Variants in C9orf85 observed in about 807,000 individuals in gnomAD.
C9orf85 encodes uncharacterized protein C9orf85.
In C9orf85, 16 loss-of-function variants were observed where a neutral mutation model predicts 14.9. That is an observed-to-expected ratio of 1.08 (90% CI 0.73 to 1.63). The LOEUF (loss-of-function observed/expected upper bound fraction) is 1.63, where lower values mean the gene tolerates loss of function less well. Ranked by LOEUF, C9orf85 falls within the 40% of genes most tolerant of loss-of-function variation. C9orf85 has a pLI of 0.00. For synonymous variants in C9orf85, 45 were observed against 56.8 expected, an observed-to-expected ratio of 0.79 and a Z score of 0.93; for missense variants, 172 against 186.1, an observed-to-expected ratio of 0.92 and a Z score of 0.44.
At chr9:71,926,634 GAAAAA>G (rs58407244) in intron 1 of C9orf85, among the ~76,000 whole-genome samples, 5 of 115,836 alleles carry the variant, frequency 4.3e-5, no homozygotes, top group Non-Finnish European at 5.5e-5. Flanking sequence ...CACTGCTGTT[GAAAAA>G]AAAAAAAAAA....
chr9:71,918,138 G>A (rs541962958), intron 1 of C9orf85, among the ~76,000 whole-genome samples: 9 of 152,196 alleles, frequency 5.9e-5, no homozygotes, highest in African/African-American at 1.2e-4. Flanking sequence ...AGCTGAGATC[G>A]TGCCACTGCA....
At chr9:71,928,243 G>A (rs187835354) in intron 1 of C9orf85, among the ~76,000 whole-genome samples, 147 of 147,856 alleles carry the variant, frequency 9.9e-4, no homozygotes, top group Admixed American at 2.4e-3. Context: ...ATATCTGCAC[G>A]AGCTGTCAAT....
intron 1 of C9orf85, among the ~76,000 whole-genome samples, chr9:71,925,667 G>A (rs1042708146): frequency 2.0e-5 from 3 of 152,148 alleles, no homozygotes; most frequent in Non-Finnish European, 2.9e-5. Flanking sequence ...GAAAGAGACT[G>A]TTTTAATCAG....
At chr9:71,976,199 CTTTGT>C (rs1213446964), downstream of C9orf85, among the ~76,000 whole-genome samples, 3 of 152,154 alleles carry the variant, frequency 2.0e-5, no homozygotes, top group Non-Finnish European at 4.4e-5. Flanking sequence ...GAGATGAAGG[CTTTGT>C]TTTGTTTTAA....
intron 2 of C9orf85, among the ~76,000 whole-genome samples, chr9:71,968,997 C>T (rs1291050147): frequency 6.6e-6 from 1 of 151,996 alleles, no homozygotes; most frequent in Non-Finnish European, 1.5e-5. Flanking sequence ...AGGGGTGACT[C>T]AGGACGGAGC....
chr9:71,962,679 A>G (rs1822552034), intron 2 of C9orf85, among the ~76,000 whole-genome samples: 1 of 152,244 alleles, frequency 6.6e-6, no homozygotes, highest in Admixed American at 6.5e-5. Flanking sequence ...CCCAAAGGGA[A>G]ACCCTAAGAA....
chr9:71,963,644 G>T (rs373972237), intron 2 of C9orf85, among the ~76,000 whole-genome samples: 1 of 152,206 alleles, frequency 6.6e-6, no homozygotes, highest in Non-Finnish European at 1.5e-5. Context: ...TTAGCTGGCC[G>T]GCCCTGCCGC....
chr9:71,935,124 C>T (rs1176442404), intron 1 of C9orf85, among the ~76,000 whole-genome samples: 1 of 152,130 alleles, frequency 6.6e-6, no homozygotes, highest in Non-Finnish European at 1.5e-5. Flanking sequence ...TGTTTTGAGG[C>T]TGTGGCAAAA....
At chr9:71,941,643 A>G (rs1460952125) in intron 1 of C9orf85, among the ~76,000 whole-genome samples, 2 of 152,204 alleles carry the variant, frequency 1.3e-5, no homozygotes, top group Non-Finnish European at 2.9e-5. Context: ...AAAAACATAC[A>G]TAGGTGAAAA....
intron 2 of C9orf85, among the ~76,000 whole-genome samples, chr9:71,959,078 AGAATTTGAATTCAGAGTG>A (rs2132332494): frequency 6.6e-6 from 1 of 152,166 alleles, no homozygotes; most frequent in Non-Finnish European, 1.5e-5. Context: ...TTTTAACCCC[AGAATTTGAATTCAGAGTG>A]GACAAATAAG....
At chr9:71,923,089 C>A (rs973944356) in intron 1 of C9orf85, among the ~76,000 whole-genome samples, 1 of 152,166 alleles carries the variant, frequency 6.6e-6, no homozygotes, top group Non-Finnish European at 1.5e-5. Context: ...GAGGTCGCGC[C>A]GCTGCACTCC....
At chr9:71,977,477 A>G (rs1032446206), downstream of C9orf85, among the ~76,000 whole-genome samples, 2 of 152,232 alleles carry the variant, frequency 1.3e-5, no homozygotes, top group Admixed American at 6.5e-5. Flanking sequence ...TACCATGTAT[A>G]CAAGATTATA....
chr9:71,945,899 G>C (rs1343048382), intron 1 of C9orf85, among the ~76,000 whole-genome samples: 1 of 152,128 alleles, frequency 6.6e-6, no homozygotes, highest in Non-Finnish European at 1.5e-5. Context: ...AAGCAAACTA[G>C]AGAATTCTCA....
intron 2 of C9orf85, among the ~76,000 whole-genome samples, chr9:71,954,442 AAAGTAG>A (rs1822331772): frequency 6.6e-6 from 1 of 152,188 alleles, no homozygotes; most frequent in Non-Finnish European, 1.5e-5. Flanking sequence ...GTTTATTAAG[AAAGTAG>A]AAGAATAAAA....
At chr9:71,918,496 C>G in intron 1 of C9orf85, 1 of 1,274,154 alleles carries the variant, frequency 7.8e-7, no homozygotes, top group Non-Finnish European at 1.0e-6. Context: ...CAGCCCCCGA[C>G]CCCCGCATCG....
intron 1 of C9orf85, among the ~76,000 whole-genome samples, chr9:71,937,972 T>G (rs1828232137): frequency 6.6e-6 from 1 of 152,138 alleles, no homozygotes; most frequent in South Asian, 2.1e-4. Flanking sequence ...TGATTTTATA[T>G]TTCTCCTTAA....
intron 1 of C9orf85, among the ~76,000 whole-genome samples, chr9:71,930,929 C>A (rs1828058068): frequency 6.6e-6 from 1 of 151,396 alleles, no homozygotes; most frequent in Admixed American, 6.6e-5. Flanking sequence ...GACCTTTGAA[C>A]TTATAACTAA....
chr9:71,922,526 C>G (rs1325364892), intron 1 of C9orf85, among the ~76,000 whole-genome samples: 1 of 152,194 alleles, frequency 6.6e-6, no homozygotes, highest in East Asian at 1.9e-4. Context: ...TTTACCACCC[C>G]TCTCCCATGT....
chr9:71,959,733 C>T (rs1357982099), intron 2 of C9orf85, among the ~76,000 whole-genome samples: 1 of 152,072 alleles, frequency 6.6e-6, no homozygotes, highest in Non-Finnish European at 1.5e-5. Context: ...CTGCAAGAAC[C>T]AAGAAGCTGG....
Sources: gnomAD v4.1 joint callset for allele counts (sites outside exome capture counted in the v4.1 genomes callset) on GRCh38, gnomAD v4.1.1 for gene constraint, MANE v1.5 for transcripts, NCBI Gene and HGNC (gene_info 2026-07-23, HGNC 2026-07-21) for gene names.